ATP10B: variants seen among roughly 807,000 people sequenced by gnomAD.
The protein encoded by ATP10B is phospholipid-transporting ATPase VB.
ATP10B carries 122 observed loss-of-function variants against 141.2 expected under a neutral mutation model. That is an observed-to-expected ratio of 0.86 (90% CI 0.75 to 1.00). ATP10B has a LOEUF of 1.00. Among genes scored for constraint, ATP10B ranks in the 50% least tolerant of loss-of-function variants. ATP10B has a pLI of 0.00. For missense variants in ATP10B, 1,876 were observed against 1,825.3 expected, an observed-to-expected ratio of 1.03 and a Z score of -0.51; for synonymous variants, 685 against 692.0, an observed-to-expected ratio of 0.99 and a Z score of 0.16.
intron 1 of ATP10B, among the ~76,000 whole-genome samples, chr5:160,804,092 G>A (rs1242270984): frequency 6.6e-6 from 1 of 152,086 alleles, no homozygotes; most frequent in African/African-American, 2.4e-5. Context: ...TAAGTCAAAT[G>A]TCCTACCCTT....
At chr5:160,826,820 G>A (rs566879212) in intron 1 of ATP10B, among the ~76,000 whole-genome samples, 2 of 152,266 alleles carry the variant, frequency 1.3e-5, no homozygotes, top group South Asian at 4.1e-4. Flanking sequence ...GATAAGGACT[G>A]AAATATGCCC....
chr5:160,819,626 T>C (rs1320393694), intron 1 of ATP10B, among the ~76,000 whole-genome samples: 1 of 152,136 alleles, frequency 6.6e-6, no homozygotes, highest in East Asian at 1.9e-4. Flanking sequence ...CAACAACTTT[T>C]CAAGACATGG....
At chr5:160,658,126 G>A (rs760673447) in intron 7 of ATP10B, among the ~76,000 whole-genome samples, 3 of 152,214 alleles carry the variant, frequency 2.0e-5, no homozygotes, top group Non-Finnish European at 2.9e-5. Flanking sequence ...ATCACAATGT[G>A]TCACCTCTGC....
intron 20 of ATP10B, 26 bp downstream of exon 20, chr5:160,603,936 GAAA>G: frequency 6.3e-7 from 1 of 1,589,496 alleles, no homozygotes. Context: ...AAGGACCAAA[GAAA>G]GAAGAATAGT....
rs1425417189 is a variant in ATP10B, at chr5:160,632,128, C to T, written c.1620+1G>A. The T allele has an allele frequency of 6.2e-7, 1 of 1,610,956 alleles. No homozygotes were observed. The highest frequency in any genetic ancestry group is 2.2e-5 in the East Asian group (1 of 44,808). On this transcript the variant is annotated splice_donor_variant, in intron 13 of 25. Transcript: ENST00000327245. LOFTEE classifies it high-confidence loss of function. ...GTTCAAAGGCAAAAGTCAGGACTTACTATGGAGCTGCTGAAGGCCACAGGA... is the reference window on the plus strand; with the variant it reads ...GTTCAAAGGCAAAAGTCAGGACTTATTATGGAGCTGCTGAAGGCCACAGGA...
intron 1 of ATP10B, among the ~76,000 whole-genome samples, chr5:160,788,108 C>T (rs1010875244): frequency 7.9e-5 from 12 of 152,150 alleles, no homozygotes; most frequent in African/African-American, 2.9e-4. Flanking sequence ...TTTGCTTTTC[C>T]TACTCTCCAG....
the ATP10B span, among the ~76,000 whole-genome samples, chr5:160,924,277 G>C: frequency 6.6e-6 from 1 of 152,198 alleles, no homozygotes; most frequent in Non-Finnish European, 1.5e-5. Context: ...AATCACACAG[G>C]GTTGGGGTTA....
intron 6 of ATP10B, among the ~76,000 whole-genome samples, chr5:160,681,645 G>T (rs924682514): frequency 1.3e-5 from 2 of 152,142 alleles, no homozygotes; most frequent in Admixed American, 1.3e-4. Flanking sequence ...AACAAAAAAA[G>T]AAACTTATTA....
intron 1 of ATP10B, among the ~76,000 whole-genome samples, chr5:160,817,606 T>G (rs2127956553): frequency 6.6e-6 from 1 of 152,290 alleles, no homozygotes; most frequent in African/African-American, 2.4e-5. Flanking sequence ...GCCATCCCCA[T>G]CAAGCTACCA....
At chr5:160,762,794 C>T (rs1769137714) in intron 2 of ATP10B, among the ~76,000 whole-genome samples, 1 of 152,020 alleles carries the variant, frequency 6.6e-6, no homozygotes, top group African/African-American at 2.4e-5. Flanking sequence ...TAAAATTCAC[C>T]AAATATCTGC....
At chr5:160,802,504 GT>G (rs1283135456) in intron 1 of ATP10B, among the ~76,000 whole-genome samples, 2 of 152,212 alleles carry the variant, frequency 1.3e-5, no homozygotes, top group Non-Finnish European at 2.9e-5. Flanking sequence ...CTGCGATATT[GT>G]TAAACATCTA....
intron 7 of ATP10B, among the ~76,000 whole-genome samples, chr5:160,650,038 G>A (rs1360308952): frequency 6.6e-6 from 1 of 151,768 alleles, no homozygotes; most frequent in Non-Finnish European, 1.5e-5. Flanking sequence ...GAACCTGGGA[G>A]GTGGAGGTTG....
intron 25 of ATP10B, among the ~76,000 whole-genome samples, chr5:160,568,105 G>C (rs2127592818): frequency 6.6e-6 from 1 of 152,256 alleles, no homozygotes; most frequent in Non-Finnish European, 1.5e-5. Flanking sequence ...AGATTTCTGG[G>C]GTGGTGCCGG....
At chr5:160,845,581 A>G (rs999403064) in intron 1 of ATP10B, among the ~76,000 whole-genome samples, 2 of 152,220 alleles carry the variant, frequency 1.3e-5, no homozygotes, top group African/African-American at 2.4e-5. Context: ...ATAAATGAAC[A>G]AAAAGTTTTT....
At chr5:160,826,193 T>C (rs199717149) in intron 1 of ATP10B, among the ~76,000 whole-genome samples, 1 of 152,062 alleles carries the variant, frequency 6.6e-6, no homozygotes, top group African/African-American at 2.4e-5. Context: ...TATTCCTGAG[T>C]TGAATGGTAG....
intron 7 of ATP10B, among the ~76,000 whole-genome samples, chr5:160,662,035 C>T (rs1453817140): frequency 6.6e-6 from 1 of 152,150 alleles, no homozygotes; most frequent in Non-Finnish European, 1.5e-5. Context: ...GAGTGAACTT[C>T]CATTCACAAT....
chr5:160,709,313 G>T (rs929644861), intron 3 of ATP10B, among the ~76,000 whole-genome samples: 3 of 152,160 alleles, frequency 2.0e-5, no homozygotes, highest in Non-Finnish European at 4.4e-5. Context: ...CACATATTGG[G>T]AGGAGATGTT....
chr5:160,871,570 C>T, the ATP10B span, among the ~76,000 whole-genome samples: 1 of 152,098 alleles, frequency 6.6e-6, no homozygotes, highest in African/African-American at 2.4e-5. Flanking sequence ...ATTCTTATAC[C>T]ATTGCATTCT....
intron 1 of ATP10B, among the ~76,000 whole-genome samples, chr5:160,795,760 G>A (rs575195371): frequency 1.1e-4 from 16 of 152,134 alleles, no homozygotes; most frequent in African/African-American, 3.6e-4. Context: ...AGAGACTGAT[G>A]TGATGTGGTC....
Sources: gnomAD v4.1 joint callset for allele counts (sites outside exome capture counted in the v4.1 genomes callset) on GRCh38, gnomAD v4.1.1 for gene constraint, MANE v1.5 for transcripts, NCBI Gene and HGNC (gene_info 2026-07-23, HGNC 2026-07-21) for gene names.